The following DPH3 variants were observed in gnomAD, a reference collection of about 807,000 sequenced individuals.
DPH3 encodes the protein diphthamide biosynthesis protein 3.
A neutral mutation model predicts 10.2 loss-of-function variants in DPH3; 8 were observed. The ratio of observed to expected loss-of-function variants is 0.79; its 90% CI spans 0.46 to 1.42. DPH3 has a LOEUF of 1.42. Among genes scored for constraint, DPH3 ranks in the 40% most tolerant of loss-of-function variants. DPH3 has a pLI of 0.00. For missense variants in DPH3, 96 were observed against 98.9 expected (o/e 0.97, Z 0.12); for synonymous variants, 35 against 35.6 (o/e 0.98, Z 0.06).
chr3:16,263,175 T>C lies in DPH3; in HGVS notation c.183+980A>G, dbSNP rs1410794577. 1.3e-5 allele frequency among the ~76,000 whole-genome samples: 2 copies of C among 152,152 alleles called. No individual in the cohort carries two copies. The highest frequency in any genetic ancestry group is 1.3e-4 in the Admixed American group (2 of 15,282). ...TCCACAACTTCTTACGCTACTCTCA[T>C]CCTGCTCTGCTCTGGTCACACTGGC... On this transcript the variant is annotated intron_variant, in intron 2 of 2. Transcript: ENST00000488423. The surrounding 1 kb of genome is among the most constrained non-coding windows in gnomAD (Gnocchi z 4.0).
At chr3:16,264,303 C>T in intron 1 of DPH3, 74 bp from the exon 2 acceptor site, 1 of 1,232,576 alleles carries the variant, frequency 8.1e-7, no homozygotes, top group African/African-American at 1.5e-5. Flanking sequence ...CTATCCCACC[C>T]CTAGATGCAA....
chr3:16,263,619 A>T lies in DPH3; in HGVS notation c.183+536T>A, dbSNP rs184871614. ...AAGATTCCATTCCAAGTACTGAACA[A>T]AACTTTGGGTAGGAGTGGGCAGTAA... On this transcript the variant is annotated intron_variant, in intron 2 of 2. Coordinates refer to ENST00000488423, the MANE Select transcript of DPH3 (RefSeq NM_206831.3). The surrounding 1 kb of genome is among the most constrained non-coding windows in gnomAD (Gnocchi z 4.0). Among the ~76,000 whole-genome samples, 423 of 151,966 alleles carry T rather than the reference A, an allele frequency of 2.8e-3. 2 individuals carry two copies. Among genetic ancestry groups the T allele is most frequent in the African/African-American group, 9.0e-3 (373 of 41,530 alleles).
chr3:16,264,351 G>T, intron 1 of DPH3, 122 bp from the exon 2 acceptor site: 1 of 651,310 alleles, frequency 1.5e-6, no homozygotes, highest in Non-Finnish European at 2.6e-6. Flanking sequence ...AGGTGGGTGA[G>T]AACCCCAGGG....
At position 16,262,515 on chromosome 3, in the gene DPH3, C is replaced by T. The variant is rs1486003069; in HGVS notation, c.183+1640G>A. Among the ~76,000 whole-genome samples, 2 of 152,158 alleles carry T rather than the reference C, an allele frequency of 1.3e-5. No homozygotes were observed. The highest frequency in any genetic ancestry group is 4.8e-5 in the African/African-American group (2 of 41,438). On this transcript the variant is annotated intron_variant, in intron 2 of 2. Coordinates refer to ENST00000488423, the MANE Select transcript of DPH3 (RefSeq NM_206831.3). The surrounding 1 kb of genome is among the most constrained non-coding windows in gnomAD (Gnocchi z 4.7). ...TACCATCAGCTTTGGTGATTCCTCGCTTCCCTCCCTGACTTTTTAATACTG... is the reference window on the plus strand; with the variant it reads ...TACCATCAGCTTTGGTGATTCCTCGTTTCCCTCCCTGACTTTTTAATACTG...
Position 16,259,188 on chromosome 3 carries a change from T to G in DPH3, c.*1576A>C, listed in dbSNP as rs993706118. 3.3e-5 allele frequency: 5 copies of G among 152,378 alleles called. No homozygotes were observed. Among genetic ancestry groups the G allele is most frequent in the African/African-American group, 9.6e-5 (4 of 41,594 alleles). 9.4% of individuals were successfully genotyped at this position (152,378 alleles called of 1,614,324 possible). A position where few individuals can be genotyped will look rare whatever the true frequency, so the allele number is the denominator to read the frequency against. ...TTCATCTGAGCAGTCACTTTGCTTT[T>G]GCAAAGCAGTTGTGGATTACTTCTG... On this transcript the variant is annotated 3_prime_UTR_variant, in exon 3 of 3. Transcript: ENST00000488423.
In DPH3 at chr3:16,257,861, A is replaced by G. The variant is rs549324049; in HGVS notation, c.*2903T>C. 6.6e-6 allele frequency: 1 copy of G among 152,362 alleles called. No homozygotes were observed. The highest frequency in any genetic ancestry group is 1.5e-5 in the Non-Finnish European group (1 of 68,032). The allele number at this position is 152,362 out of a possible 1,614,324, so 9.4% of individuals were successfully genotyped here. On this transcript the variant is annotated 3_prime_UTR_variant, in exon 3 of 3. Coordinates refer to ENST00000488423, the MANE Select transcript of DPH3 (RefSeq NM_206831.3). ...TTTCCTTATTTAAAAACTACTGTCC[A>G]TAACAAAAAGTCTATTAACAATACC...
At position 16,259,350 on chromosome 3, in the gene DPH3, A is replaced by G. The variant is rs937996635; in HGVS notation, c.*1414T>C. 1 of 152,246 alleles carries G rather than the reference A, an allele frequency of 6.6e-6. No individual in the cohort carries two copies. Among genetic ancestry groups the G allele is most frequent in the Admixed American group, 6.5e-5 (1 of 15,284 alleles). The allele number at this position is 152,246 out of a possible 1,614,324, so 9.4% of individuals were successfully genotyped here. A position where few individuals can be genotyped will look rare whatever the true frequency, so the allele number is the denominator to read the frequency against. On this transcript the variant is annotated 3_prime_UTR_variant, in exon 3 of 3. Transcript: ENST00000488423. ...CTCAGCCTAGTGGCTGCACACAGCC[A>G]TGCTGCTGGCAGGTAAAAAAGGCTA...
rs1034246490 is a variant in DPH3, at chr3:16,258,320, G to T, written c.*2444C>A. On this transcript the variant is annotated 3_prime_UTR_variant, in exon 3 of 3. Coordinates refer to ENST00000488423, the MANE Select transcript of DPH3 (RefSeq NM_206831.3). ...AATCACCTGATCGAGTCTCCTAATT[G>T]TACAGCTGAAGAATCCAATGGCCTT... 2 of 152,148 alleles carry T rather than the reference G, an allele frequency of 1.3e-5. No individual in the cohort carries two copies. Among genetic ancestry groups the T allele is most frequent in the Admixed American group, 6.5e-5 (1 of 15,270 alleles). 9.4% of individuals were successfully genotyped at this position (152,148 alleles called of 1,614,324 possible).
chr3:16,258,038 A>G lies in DPH3; in HGVS notation c.*2726T>C, dbSNP rs539966326. 6.6e-6 allele frequency: 1 copy of G among 151,490 alleles called. No individual in the cohort carries two copies. The highest frequency in any genetic ancestry group is 2.4e-5 in the African/African-American group (1 of 41,576). 9.4% of individuals were successfully genotyped at this position (151,490 alleles called of 1,614,324 possible). A position where few individuals can be genotyped will look rare whatever the true frequency, so the allele number is the denominator to read the frequency against. Reference sequence around the variant, plus strand: ...TGCAATTTATTCTGGCAATAAATTAATATGTGCAGTTATAAAAAATGTTGG... The same window carrying G: ...TGCAATTTATTCTGGCAATAAATTAGTATGTGCAGTTATAAAAAATGTTGG... On this transcript the variant is annotated 3_prime_UTR_variant, in exon 3 of 3. Transcript: ENST00000488423.
chr3:16,260,883 T>A, intron 2 of DPH3, 54 bp from the exon 3 acceptor site: 1 of 1,500,300 alleles, frequency 6.7e-7, no homozygotes, highest in East Asian at 2.3e-5. Flanking sequence ...CACAAATACA[T>A]TAATATTAAA....
chr3:16,259,566 C>T lies in DPH3; in HGVS notation c.*1198G>A, dbSNP rs1205274065. 6.6e-6 allele frequency: 1 copy of T among 152,036 alleles called. No homozygotes were observed. The highest frequency in any genetic ancestry group is 1.5e-5 in the Non-Finnish European group (1 of 68,008). The allele number at this position is 152,036 out of a possible 1,614,324, so 9.4% of individuals were successfully genotyped here. A position where few individuals can be genotyped will look rare whatever the true frequency, so the allele number is the denominator to read the frequency against. ...TATATAAAGGGAATTTTCAAATTTC[C>T]AATGTAAATGATTCTAATTTCTTGC... On this transcript the variant is annotated 3_prime_UTR_variant, in exon 3 of 3. Coordinates refer to ENST00000488423, the MANE Select transcript of DPH3 (RefSeq NM_206831.3).
In DPH3 at chr3:16,264,814, C is replaced by A; in HGVS notation, c.63G>T (p.Thr21=). Residue 21 remains threonine (T), a synonymous_variant, in exon 1 of 3, where the codon ACG becomes ACT. Coordinates refer to ENST00000488423, the MANE Select transcript of DPH3 (RefSeq NM_206831.3). ...EDFQYDEDSE[T]YFYPCPCGDN... is the part of the protein sequence containing the mutation. ...CTCCACATGGGCAGGGATAGAAATACGTCTCCGAGTCCTCGTCATATTGGA... is the reference window on the plus strand; with the variant it reads ...CTCCACATGGGCAGGGATAGAAATAAGTCTCCGAGTCCTCGTCATATTGGA... 1 of 1,614,238 alleles carries A rather than the reference C, an allele frequency of 6.2e-7. No individual in the cohort carries two copies.
In DPH3 at chr3:16,257,428, A is replaced by G. The variant is rs117215674; in HGVS notation, c.*3336T>C. Reference sequence around the variant, plus strand: ...CTCTTCTAGTTCCACTAAGTTTCCAAATGTAGAAACCGAATCTTCTTCCCC... The same window carrying G: ...CTCTTCTAGTTCCACTAAGTTTCCAGATGTAGAAACCGAATCTTCTTCCCC... On this transcript the variant is annotated 3_prime_UTR_variant, in exon 3 of 3. Coordinates refer to ENST00000488423, the MANE Select transcript of DPH3 (RefSeq NM_206831.3). Among the ~76,000 whole-genome samples the G allele has an allele frequency of 6.6e-6, 1 of 152,180 alleles. No individual in the cohort carries two copies.
chr3:16,257,834 A>G lies in DPH3; in HGVS notation c.*2930T>C, dbSNP rs2064262729. On this transcript the variant is annotated 3_prime_UTR_variant, in exon 3 of 3. Coordinates refer to ENST00000488423, the MANE Select transcript of DPH3 (RefSeq NM_206831.3). ...CAGAGCCCAAACTGTAGAAATTGGCAATTTCCTTATTTAAAAACTACTGTC... is the reference window on the plus strand; with the variant it reads ...CAGAGCCCAAACTGTAGAAATTGGCGATTTCCTTATTTAAAAACTACTGTC... 2 of 152,226 alleles carry G rather than the reference A, an allele frequency of 1.3e-5. No homozygotes were observed. Among genetic ancestry groups the G allele is most frequent in the South Asian group, 4.1e-4 (2 of 4,832 alleles). 9.4% of individuals were successfully genotyped at this position (152,226 alleles called of 1,614,324 possible). A position where few individuals can be genotyped will look rare whatever the true frequency, so the allele number is the denominator to read the frequency against.
Position 16,264,491 on chromosome 3 carries a change from G to A in DPH3, c.109-262C>T, listed in dbSNP as rs541150150. On this transcript the variant is annotated intron_variant, in intron 1 of 2. Coordinates refer to ENST00000488423, the MANE Select transcript of DPH3 (RefSeq NM_206831.3). ...CAAAAAACGAGTCCCCTCCTCGACA[G>A]AAATATCCCAGGTTGGGACCCTAAG... 54 of 561,470 alleles carry A rather than the reference G, an allele frequency of 9.6e-5. No homozygotes were observed. The South Asian group carries it at 1.3e-3, about 13-fold the overall frequency. 34.8% of individuals were successfully genotyped at this position (561,470 alleles called of 1,614,324 possible). A position where few individuals can be genotyped will look rare whatever the true frequency, so the allele number is the denominator to read the frequency against.
Position 16,264,766 on chromosome 3 carries a change from T to G in DPH3, c.108+3A>C, listed in dbSNP as rs1158805517. 1 of 1,613,888 alleles carries G rather than the reference T, an allele frequency of 6.2e-7. No individual in the cohort carries two copies. Among genetic ancestry groups the G allele is most frequent in the African/African-American group, 1.3e-5 (1 of 74,922 alleles). ...GAACCGCCGGGCGGGACCCTGAAGTTACCTTGGTGATGGAGAAGTTATCTC... is the reference window on the plus strand; with the variant it reads ...GAACCGCCGGGCGGGACCCTGAAGTGACCTTGGTGATGGAGAAGTTATCTC... On this transcript the variant is annotated splice_donor_region_variant and intron_variant, in intron 1 of 2. Coordinates refer to ENST00000488423, the MANE Select transcript of DPH3 (RefSeq NM_206831.3).
chr3:16,264,857 T>A lies in DPH3; in HGVS notation c.20A>T (p.Glu7Val). The change falls in exon 1 of 3, where the codon GAG becomes GTG. Residue 7 changes from glutamate (E) to valine (V), a missense_variant. Transcript: ENST00000488423. The stretch of plus-strand genomic sequence containing the variant: ...ATATTGGAAGTCCTCGATTTCCACC[T>A]CGTCATGAAACACTGCCATGGTCAG... The part of the protein sequence containing the change: MAVFHD[E>V]VEIEDFQYDE... 4 of 1,614,218 alleles carry A rather than the reference T, an allele frequency of 2.5e-6. No homozygotes were observed. In the East Asian group the frequency reaches 8.9e-5, roughly 36 times the overall value.
At position 16,264,793 on chromosome 3, in the gene DPH3, A is replaced by T; in HGVS notation, c.84T>A (p.Cys28Ter). 6.2e-7 allele frequency: 1 copy of T among 1,614,234 alleles called. No individual in the cohort carries two copies. Among genetic ancestry groups the T allele is most frequent in the South Asian group, 1.1e-5 (1 of 91,090 alleles). ...CCTTGGTGATGGAGAAGTTATCTCC[A>T]CATGGGCAGGGATAGAAATACGTCT... ...DSETYFYPCP[C>*]GDNFSITKED... is the part of the protein sequence containing the mutation. The change falls in exon 1 of 3, where the codon TGT becomes TGA. Residue 28 changes from cysteine (C) to a stop codon, truncating the protein, a stop_gained. Transcript: ENST00000488423. LOFTEE classifies it high-confidence loss of function.
In DPH3 at chr3:16,261,875, C is replaced by G. The variant is rs547303447; in HGVS notation, c.184-1046G>C. 6.6e-6 allele frequency among the ~76,000 whole-genome samples: 1 copy of G among 152,064 alleles called. No individual in the cohort carries two copies. The highest frequency in any genetic ancestry group is 1.5e-5 in the Non-Finnish European group (1 of 68,006). ...TTAGAATCTTATGTCTTGAGACTACCGCCTTGCTATTCTTCTCTGTTGCTG... is the reference window on the plus strand; with the variant it reads ...TTAGAATCTTATGTCTTGAGACTACGGCCTTGCTATTCTTCTCTGTTGCTG... On this transcript the variant is annotated intron_variant, in intron 2 of 2. Transcript: ENST00000488423. This position sits in a 1 kb window ranked among gnomAD's most constrained non-coding sequence, Gnocchi z 7.1.
Sources: gnomAD v4.1 joint callset for allele counts (sites outside exome capture counted in the v4.1 genomes callset) on GRCh38, gnomAD v4.1.1 for gene constraint, Gnocchi (gnomAD v3.1) non-coding constraint, MANE v1.5 for transcripts, NCBI Gene and HGNC (gene_info 2026-07-23, HGNC 2026-07-21) for gene names.